The following CELF2 variants were observed in gnomAD, a reference collection of about 807,000 sequenced individuals.
CELF2 encodes CUG triplet repeat RNA-binding protein 2.
In CELF2, 8 loss-of-function variants were observed where a neutral mutation model predicts 62.6. That is an observed-to-expected ratio of 0.13 (90% CI 0.07 to 0.23). The LOEUF is 0.23. Among genes scored for constraint, CELF2 ranks in the 10% least tolerant of loss-of-function variants. CELF2 has a pLI of 1.00. For synonymous variants in CELF2, 258 were observed against 250.0 expected, an observed-to-expected ratio of 1.03 and a Z score of -0.30; for missense variants, 333 against 671.0, an observed-to-expected ratio of 0.50 and a Z score of 5.56.
chr10:11,099,061 C>A (rs549684182), intron 1 of CELF2, among the ~76,000 whole-genome samples: 350 of 152,352 alleles, frequency 2.3e-3, no homozygotes, highest in Middle Eastern at 6.8e-3. Flanking sequence ...GGCCATGAGA[C>A]AACCCTTTGC....
intron 1 of CELF2, among the ~76,000 whole-genome samples, chr10:11,134,839 A>G (rs533523869): frequency 6.6e-6 from 1 of 152,288 alleles, no homozygotes; most frequent in South Asian, 2.1e-4. Flanking sequence ...TGGCAGGGAA[A>G]TGCAGTGAAT....
the CELF2 span, among the ~76,000 whole-genome samples, chr10:10,636,346 C>A: frequency 6.6e-6 from 1 of 152,166 alleles, no homozygotes; most frequent in Non-Finnish European, 1.5e-5. Flanking sequence ...CTATATATGA[C>A]AGATATTTAT....
chr10:11,105,580 C>T (rs934326889), intron 1 of CELF2: 8 of 152,242 alleles, frequency 5.3e-5, no homozygotes, highest in African/African-American at 1.9e-4. Context: ...CAATTGCCCA[C>T]CAGAGGTGGC....
intron 1 of CELF2, among the ~76,000 whole-genome samples, chr10:11,054,994 C>T (rs554905394): frequency 2.6e-4 from 40 of 152,232 alleles, no homozygotes; most frequent in Non-Finnish European, 5.4e-4. Context: ...GGATTACAGG[C>T]TTGCGCCACC....
At chr10:10,575,497 G>A in the CELF2 span, among the ~76,000 whole-genome samples, 1 of 152,294 alleles carries the variant, frequency 6.6e-6, no homozygotes, top group African/African-American at 2.4e-5. Flanking sequence ...TGTTGAGTGT[G>A]TTTTATGCAA....
chr10:10,791,108 C>A, the CELF2 span, among the ~76,000 whole-genome samples: 4 of 152,134 alleles, frequency 2.6e-5, no homozygotes, highest in African/African-American at 9.7e-5. Flanking sequence ...CAATAAAATT[C>A]TCTATTTTCA....
the CELF2 span, among the ~76,000 whole-genome samples, chr10:10,736,390 TTCTTTC>T: frequency 5.9e-3 from 510 of 86,412 alleles, 4 homozygotes; most frequent in African/African-American, 0.02. Flanking sequence ...CTTTCTTTCT[TTCTTTC>T]TTTTTTTTTT....
the CELF2 span, among the ~76,000 whole-genome samples, chr10:10,707,210 G>A: frequency 1.3e-5 from 2 of 152,100 alleles, no homozygotes; most frequent in Non-Finnish European, 2.9e-5. Context: ...TCAATTTTAG[G>A]GTGCTATTTT....
At position 11,309,974 on chromosome 10, in the gene CELF2, A is replaced by G. The variant is rs1481250822; in HGVS notation, c.977-4165A>G. 2.0e-5 allele frequency among the ~76,000 whole-genome samples: 3 copies of G among 152,064 alleles called. No homozygotes were observed. The highest frequency in any genetic ancestry group is 2.0e-4 in the Admixed American group (3 of 15,268). The stretch of plus-strand genomic sequence containing the variant: ...AGTGGCCTGCTTTTCTGTGAATGAC[A>G]CCTCTGGTCTACAGGAAGGGTACTG... On this transcript the variant is annotated intron_variant, in intron 9 of 12. Transcript: ENST00000633077. This position sits in a 1 kb window ranked among gnomAD's most constrained non-coding sequence, Gnocchi z 5.6.
chr10:10,597,436 GAC>G, the CELF2 span, among the ~76,000 whole-genome samples: 1 of 152,072 alleles, frequency 6.6e-6, no homozygotes, highest in African/African-American at 2.4e-5. Context: ...GTGTGCTGTG[GAC>G]AGAGTCCTCA....
At chr10:10,925,420 G>T (rs928730562) in intron 2 of CELF2, among the ~76,000 whole-genome samples, 1 of 151,944 alleles carries the variant, frequency 6.6e-6, no homozygotes, top group Non-Finnish European at 1.5e-5. Context: ...AAGCATGGTT[G>T]TCAGCTTGGC....
At chr10:10,902,249 A>G (rs1383001128) in intron 1 of CELF2, among the ~76,000 whole-genome samples, 2 of 152,228 alleles carry the variant, frequency 1.3e-5, no homozygotes, top group African/African-American at 4.8e-5. Flanking sequence ...TTTACTCAAG[A>G]GCAAGGAAAT....
At chr10:11,189,138 A>G (rs2075726186) in intron 2 of CELF2, among the ~76,000 whole-genome samples, 1 of 152,022 alleles carries the variant, frequency 6.6e-6, no homozygotes, top group Admixed American at 6.6e-5. Context: ...AATTGTGAGT[A>G]TTTTCGGTCT....
the CELF2 span, among the ~76,000 whole-genome samples, chr10:10,497,429 CA>C: frequency 2.0e-4 from 30 of 151,992 alleles, no homozygotes; most frequent in South Asian, 4.2e-4. Context: ...AATGGAACAA[CA>C]AAAAAGACAT....
At chr10:10,819,694 C>T (rs2056795011) in intron 1 of CELF2, among the ~76,000 whole-genome samples, 1 of 152,292 alleles carries the variant, frequency 6.6e-6, no homozygotes, top group East Asian at 1.9e-4. Flanking sequence ...TTTTCCTCTG[C>T]TCTCCAAGAT....
the CELF2 span, among the ~76,000 whole-genome samples, chr10:10,689,444 G>T: frequency 6.6e-6 from 1 of 152,078 alleles, no homozygotes; most frequent in Non-Finnish European, 1.5e-5. Flanking sequence ...TGATATTTGG[G>T]TGGGGACACA....
chr10:11,111,502 C>G (rs1671648832), intron 1 of CELF2, among the ~76,000 whole-genome samples: 1 of 152,178 alleles, frequency 6.6e-6, no homozygotes, highest in African/African-American at 2.4e-5. Context: ...ACATAGCCCA[C>G]CAGTTCTAGA....
the CELF2 span, among the ~76,000 whole-genome samples, chr10:10,646,182 A>G: frequency 6.6e-6 from 1 of 152,194 alleles, no homozygotes; most frequent in African/African-American, 2.4e-5. Flanking sequence ...CTGAGCACCT[A>G]CAGATAAAAA....
chr10:11,253,361 C>A (rs997398393), intron 4 of CELF2, among the ~76,000 whole-genome samples: 5 of 152,184 alleles, frequency 3.3e-5, no homozygotes, highest in Non-Finnish European at 5.9e-5. Context: ...AAGTTCAGAG[C>A]TAGCAGCAGT....
Sources: allele counts gnomAD v4.1 joint callset (sites outside exome capture counted in the v4.1 genomes callset), GRCh38; gene constraint gnomAD v4.1.1; non-coding constraint Gnocchi (gnomAD v3.1); transcripts MANE v1.5; gene names NCBI Gene and HGNC (gene_info 2026-07-23, HGNC 2026-07-21).